Variants in CYREN observed in about 807,000 individuals in gnomAD.
CYREN encodes cell cycle regulator of NHEJ, also known as cell cycle regulator of non-homologous end joining.
Under a neutral mutation model 9.7 loss-of-function variants are expected in CYREN, and 7 were observed. That is an observed-to-expected ratio of 0.72 (90% CI 0.41 to 1.36). The LOEUF (loss-of-function observed/expected upper bound fraction) is 1.36. CYREN is among the 40% of genes most tolerant of loss of function. The probability of loss-of-function intolerance (pLI) is 0.01; values close to 1 mark genes in which losing one functional copy is unlikely to be tolerated. For missense variants in CYREN, 215 were observed against 198.1 expected (o/e 1.09, Z -0.51); for synonymous variants, 76 against 77.9 (o/e 0.98, Z 0.13).
chr7:135,102,007 G>T (rs2348270), intron 2 of CYREN, among the ~76,000 whole-genome samples: 73,569 of 152,076 alleles, frequency 0.48, 18,173 homozygotes, highest in South Asian at 0.66. Flanking sequence ...CATGTAAGAC[G>T]TGCCTTTTGC....
At chr7:135,156,571 G>T (rs963851945) in intron 2 of CYREN, among the ~76,000 whole-genome samples, 2 of 151,884 alleles carry the variant, frequency 1.3e-5, no homozygotes, top group Non-Finnish European at 2.9e-5. Flanking sequence ...TTTTATTTAA[G>T]ATGTCTATCT....
At position 135,168,987 on chromosome 7, in the gene CYREN, A is replaced by G; in HGVS notation, c.-65T>C. The G allele has an allele frequency of 1.4e-6, 2 of 1,459,906 alleles. No homozygotes were observed. The highest frequency in any genetic ancestry group is 1.8e-6 in the Non-Finnish European group (2 of 1,090,912). 90.4% of individuals were successfully genotyped at this position (1,459,906 alleles called of 1,614,324 possible). A position where few individuals can be genotyped will look rare whatever the true frequency, so the allele number is the denominator to read the frequency against. On this transcript the variant is annotated 5_prime_UTR_variant, in exon 2 of 4. Transcript: ENST00000393114. ...TAATGACCTGTTTTTTAATTCAGGA[A>G]GGTAAATCTCGTTCTCTCGTCACAC...
intron 2 of CYREN, chr7:135,128,452 G>A: frequency 2.7e-6 from 2 of 728,286 alleles, no homozygotes; most frequent in South Asian, 2.8e-5. Context: ...AATGTCAGAA[G>A]ACCAAGAAGC....
At chr7:135,108,103 G>A (rs974119200) in intron 2 of CYREN, among the ~76,000 whole-genome samples, 1 of 152,108 alleles carries the variant, frequency 6.6e-6, no homozygotes, top group East Asian at 1.9e-4. Flanking sequence ...GCCTATGGGT[G>A]TCACTGCATG....
chr7:135,094,721 T>C (rs1396518298), intron 2 of CYREN: 2 of 350,508 alleles, frequency 5.7e-6, no homozygotes, highest in Admixed American at 7.8e-5. Flanking sequence ...TTATTCAGAA[T>C]AGGAATTGCA....
rs541713645 is a variant in CYREN, at chr7:135,143,062, A to G, written n.356+25687T>C. On this transcript the variant is annotated intron_variant and non_coding_transcript_variant, in intron 2 of 2. Coordinates refer to the CYREN transcript ENST00000459937. Reference sequence around the variant, plus strand: ...ACACTACATGCCTTTAAGACTTACTATAGACTGAGTGCGGTGGCTCATGCC... The same window carrying G: ...ACACTACATGCCTTTAAGACTTACTGTAGACTGAGTGCGGTGGCTCATGCC... 2.6e-5 allele frequency among the ~76,000 whole-genome samples: 4 copies of G among 152,318 alleles called. No individual in the cohort carries two copies. In the South Asian group the frequency reaches 8.3e-4, roughly 32 times the overall value.
intron 2 of CYREN, among the ~76,000 whole-genome samples, chr7:135,158,773 C>T (rs544443815): frequency 1.3e-5 from 2 of 152,342 alleles, no homozygotes; most frequent in Non-Finnish European, 2.9e-5. Flanking sequence ...GCAGCAGACC[C>T]TCCCAGGGGT....
At chr7:135,117,300 A>G (rs1826455400) in intron 2 of CYREN, among the ~76,000 whole-genome samples, 1 of 152,210 alleles carries the variant, frequency 6.6e-6, no homozygotes, top group Admixed American at 6.5e-5. Context: ...TCTTGTTAAC[A>G]TGCAATTCAC....
chr7:135,168,687 C>G (rs933506565), intron 2 of CYREN, 99 bp downstream of exon 2: 53 of 1,493,534 alleles, frequency 3.5e-5, no homozygotes, highest in Middle Eastern at 2.2e-4. Flanking sequence ...ACCCGCCCAT[C>G]TTGCTGTTCT....
intron 2 of CYREN, among the ~76,000 whole-genome samples, chr7:135,158,539 T>C (rs1056731964): frequency 6.6e-6 from 1 of 152,144 alleles, no homozygotes; most frequent in Non-Finnish European, 1.5e-5. Flanking sequence ...GTCCTAGATA[T>C]GTGTAGGATG....
Position 135,151,379 on chromosome 7 carries a change from A to C in CYREN, n.356+17370T>G, listed in dbSNP as rs541738844. On this transcript the variant is annotated intron_variant and non_coding_transcript_variant, in intron 2 of 2. Transcript: ENST00000459937. The surrounding 1 kb of genome is among the most constrained non-coding windows in gnomAD (Gnocchi z 4.3). The stretch of plus-strand genomic sequence containing the variant: ...TTTATTTTTGTGACAGCCACACCTA[A>C]ACCATGAGCACACTGATCTTCAATG... Among the ~76,000 whole-genome samples the C allele has an allele frequency of 6.6e-6, 1 of 152,296 alleles. No individual in the cohort carries two copies. The highest frequency in any genetic ancestry group is 6.5e-5 in the Admixed American group (1 of 15,302).
At chr7:135,096,842 G>T (rs913209938) in intron 2 of CYREN, among the ~76,000 whole-genome samples, 1 of 152,086 alleles carries the variant, frequency 6.6e-6, no homozygotes, top group African/African-American at 2.4e-5. Context: ...ATGACTGGCG[G>T]AAGAACATAT....
chr7:135,153,558 A>G (rs1328957054), intron 2 of CYREN, among the ~76,000 whole-genome samples: 1 of 152,154 alleles, frequency 6.6e-6, no homozygotes. Context: ...GGGAATGTAA[A>G]TTAATACAAC....
chr7:135,121,518 A>C (rs562146379), intron 2 of CYREN, among the ~76,000 whole-genome samples: 29 of 152,062 alleles, frequency 1.9e-4, no homozygotes, highest in Non-Finnish European at 3.5e-4. Context: ...CCACAATGGA[A>C]TCCAACTAGA....
intron 2 of CYREN, chr7:135,134,808 G>T: frequency 6.5e-7 from 1 of 1,536,390 alleles, no homozygotes; most frequent in East Asian, 2.5e-5. Flanking sequence ...GTCCATGATG[G>T]ACAAAAATTC....
intron 2 of CYREN, among the ~76,000 whole-genome samples, chr7:135,096,607 A>C (rs1412871018): frequency 8.1e-6 from 1 of 123,228 alleles, no homozygotes; most frequent in African/African-American, 2.8e-5. Context: ...ATAGATAGAT[A>C]GATAGATAGA....
intron 2 of CYREN, among the ~76,000 whole-genome samples, chr7:135,158,592 C>G (rs551579590): frequency 6.6e-6 from 1 of 152,292 alleles, no homozygotes; most frequent in Non-Finnish European, 1.5e-5. Flanking sequence ...GCAGCTACAG[C>G]CTCATCAGCC....
intron 2 of CYREN, among the ~76,000 whole-genome samples, chr7:135,133,642 A>G (rs565245649): frequency 5.6e-4 from 85 of 152,174 alleles, no homozygotes; most frequent in Non-Finnish European, 1.1e-3. Flanking sequence ...ACTGATTTTG[A>G]TAGGGAATTC....
intron 2 of CYREN, among the ~76,000 whole-genome samples, chr7:135,132,416 C>G (rs1828891818): frequency 6.6e-6 from 1 of 152,130 alleles, no homozygotes; most frequent in African/African-American, 2.4e-5. Context: ...AGAAAAATCA[C>G]AAGATCCTAT....
Sources: gnomAD v4.1 joint callset for allele counts (sites outside exome capture counted in the v4.1 genomes callset) on GRCh38, gnomAD v4.1.1 for gene constraint, Gnocchi (gnomAD v3.1) non-coding constraint, MANE v1.5 for transcripts, NCBI Gene and HGNC (gene_info 2026-07-23, HGNC 2026-07-21) for gene names.